CFAP44: variants seen among roughly 807,000 people sequenced by gnomAD.
CFAP44 encodes cilia- and flagella-associated protein 44.
A neutral mutation model predicts 216.2 loss-of-function variants in CFAP44; 134 were observed. That is an observed-to-expected ratio of 0.62 (90% CI 0.54 to 0.72). The LOEUF is 0.72. Among genes scored for constraint, CFAP44 ranks in the 30% least tolerant of loss-of-function variants. CFAP44 has a pLI of 0.00. For missense variants in CFAP44, 2,035 were observed against 2,182.1 expected, an observed-to-expected ratio of 0.93 and a Z score of 1.34; for synonymous variants, 700 against 727.6, an observed-to-expected ratio of 0.96 and a Z score of 0.61.
At chr3:113,341,029 A>C (rs183865165) in intron 24 of CFAP44, among the ~76,000 whole-genome samples, 1 of 152,212 alleles carries the variant, frequency 6.6e-6, no homozygotes, top group African/African-American at 2.4e-5. Context: ...GCATCTGTTG[A>C]TGCCTGTCAG....
intron 18 of CFAP44, among the ~76,000 whole-genome samples, chr3:113,370,011 C>T (rs1475444029): frequency 1.3e-5 from 2 of 151,986 alleles, no homozygotes; most frequent in Non-Finnish European, 2.9e-5. Context: ...ACACATACAC[C>T]CTCCCAAGAC....
chr3:113,322,816 C>T (rs1950157034), intron 28 of CFAP44, among the ~76,000 whole-genome samples: 1 of 152,204 alleles, frequency 6.6e-6, no homozygotes, highest in Non-Finnish European at 1.5e-5. Flanking sequence ...TCCATTCTCA[C>T]ACTGCTAATA....
At chr3:113,352,809 T>C (rs1189434549) in intron 22 of CFAP44, among the ~76,000 whole-genome samples, 1 of 152,206 alleles carries the variant, frequency 6.6e-6, no homozygotes, top group Non-Finnish European at 1.5e-5. Flanking sequence ...ATGCAGATTA[T>C]TCAACCAAGA....
intron 15 of CFAP44, among the ~76,000 whole-genome samples, chr3:113,389,520 C>T (rs1174929122): frequency 1.3e-5 from 2 of 151,496 alleles, no homozygotes; most frequent in African/African-American, 4.8e-5. Context: ...TGAAAAAGAT[C>T]AGAACAAAAT....
chr3:113,397,862 C>T (rs1490683390), intron 13 of CFAP44, among the ~76,000 whole-genome samples: 1 of 152,060 alleles, frequency 6.6e-6, no homozygotes, highest in African/African-American at 2.4e-5. Context: ...TGCAGAAGAT[C>T]ATGGACTTAG....
At chr3:113,293,370 A>C (rs1443877796) in intron 34 of CFAP44, among the ~76,000 whole-genome samples, 1 of 152,196 alleles carries the variant, frequency 6.6e-6, no homozygotes, top group Non-Finnish European at 1.5e-5. Context: ...AACTAACTTC[A>C]CCATGCATTA....
At chr3:113,415,954 G>A (rs1217904843) in intron 6 of CFAP44, among the ~76,000 whole-genome samples, 1 of 152,068 alleles carries the variant, frequency 6.6e-6, no homozygotes, top group African/African-American at 2.4e-5. Context: ...TATTGACAGT[G>A]GGGTGTTAAA....
At chr3:113,345,674 C>A (rs538402119) in intron 22 of CFAP44, among the ~76,000 whole-genome samples, 2 of 152,262 alleles carry the variant, frequency 1.3e-5, no homozygotes, top group African/African-American at 4.8e-5. Context: ...AAAAGCTCTT[C>A]ATCTATCAAC....
intron 24 of CFAP44, among the ~76,000 whole-genome samples, chr3:113,338,929 G>A (rs1950306020): frequency 6.6e-6 from 1 of 152,130 alleles, no homozygotes; most frequent in African/African-American, 2.4e-5. Context: ...CCTCTGCTGG[G>A]GGTGCCTCTG....
At chr3:113,297,273 A>C (rs1398781856) in intron 32 of CFAP44, among the ~76,000 whole-genome samples, 1 of 152,074 alleles carries the variant, frequency 6.6e-6, no homozygotes, top group Non-Finnish European at 1.5e-5. Context: ...CCAGGTAAAT[A>C]ATGACAATCC....
At position 113,306,441 on chromosome 3, in the gene CFAP44, C is replaced by G. The variant is rs75447378; in HGVS notation, c.4628-110G>C. The G allele has an allele frequency of 5.0e-3, 6,561 of 1,321,096 alleles. 256 individuals carry two copies. In the African/African-American group the frequency reaches 0.087, roughly 18 times the overall value. 81.8% of individuals were successfully genotyped at this position (1,321,096 alleles called of 1,614,324 possible). On this transcript the variant is annotated intron_variant, in intron 29 of 34. Coordinates refer to ENST00000393845, the MANE Select transcript of CFAP44 (RefSeq NM_001164496.2). ...TCAATAATGTCTATTTATGGATCCA[C>G]TCTAGCCAGCTTTTAAGACACTTAT...
At chr3:113,317,605 C>T (rs564899998) in intron 28 of CFAP44, among the ~76,000 whole-genome samples, 64 of 152,298 alleles carry the variant, frequency 4.2e-4, no homozygotes, top group African/African-American at 1.3e-3. Flanking sequence ...TGACCCTGAC[C>T]CTGAATCTCA....
chr3:113,334,087 G>T (rs1032558500), intron 24 of CFAP44, among the ~76,000 whole-genome samples: 3 of 152,156 alleles, frequency 2.0e-5, no homozygotes, highest in Admixed American at 6.5e-5. Context: ...AAGCAGCTGG[G>T]ACTACAGGCA....
In CFAP44 at chr3:113,441,481, C is replaced by G. The variant is rs987459816; in HGVS notation, c.-34G>C. 1.0e-6 allele frequency: 1 copy of G among 984,750 alleles called. No individual in the cohort carries two copies. The highest frequency in any genetic ancestry group is 1.2e-6 in the Non-Finnish European group (1 of 830,008). 61.0% of individuals were successfully genotyped at this position (984,750 alleles called of 1,614,324 possible). A position where few individuals can be genotyped will look rare whatever the true frequency, so the allele number is the denominator to read the frequency against. On this transcript the variant is annotated 5_prime_UTR_variant, in exon 1 of 35. Transcript: ENST00000393845. ...AGGTACTGACCGCCGCGGCTCCTCTCTTCACAGCGTCTGCCGGAGGCCTCC... is the reference window on the plus strand; with the variant it reads ...AGGTACTGACCGCCGCGGCTCCTCTGTTCACAGCGTCTGCCGGAGGCCTCC...
intron 18 of CFAP44, among the ~76,000 whole-genome samples, chr3:113,372,572 C>T (rs1396910527): frequency 6.6e-6 from 1 of 152,002 alleles, no homozygotes; most frequent in African/African-American, 2.4e-5. Context: ...CACACCAGGG[C>T]CTGTTGGGGA....
At chr3:113,371,988 C>A (rs1005782868) in intron 18 of CFAP44, among the ~76,000 whole-genome samples, 2 of 152,098 alleles carry the variant, frequency 1.3e-5, no homozygotes, top group Admixed American at 1.3e-4. Flanking sequence ...ATGCTCATCA[C>A]CACTGATCAT....
chr3:113,348,165 AGCAGGGTCCAGGGACCATT>A (rs1254994527), intron 22 of CFAP44, among the ~76,000 whole-genome samples: 1 of 152,166 alleles, frequency 6.6e-6, no homozygotes, highest in Non-Finnish European at 1.5e-5. Flanking sequence ...TATTCTGATC[AGCAGGGTCCAGGGACCATT>A]GCAGGTTCTT....
intron 15 of CFAP44, among the ~76,000 whole-genome samples, chr3:113,383,063 C>T (rs1933555514): frequency 6.6e-6 from 1 of 152,202 alleles, no homozygotes; most frequent in African/African-American, 2.4e-5. Context: ...TGGCTGATTA[C>T]TATAGGCAAA....
chr3:113,339,742 TAG>T (rs1950313437), intron 24 of CFAP44, among the ~76,000 whole-genome samples: 1 of 152,228 alleles, frequency 6.6e-6, no homozygotes, highest in South Asian at 2.1e-4. Flanking sequence ...TGTATCTATT[TAG>T]AGTGTCTCAA....
Sources: gnomAD v4.1 joint callset for allele counts (sites outside exome capture counted in the v4.1 genomes callset) on GRCh38, gnomAD v4.1.1 for gene constraint, MANE v1.5 for transcripts, NCBI Gene and HGNC (gene_info 2026-07-23, HGNC 2026-07-21) for gene names.